The following GPR158 variants were observed in gnomAD, a reference collection of about 807,000 sequenced individuals.
The protein encoded by GPR158 is G protein-coupled receptor 158.
In GPR158, 30 loss-of-function variants were observed where a neutral mutation model predicts 78.2. The ratio of observed to expected loss-of-function variants is 0.38; its 90% CI spans 0.29 to 0.52. The LOEUF (loss-of-function observed/expected upper bound fraction) is 0.52, where lower values mean the gene tolerates loss of function less well. Ranked by LOEUF, GPR158 falls within the 20% of genes least tolerant of loss-of-function variation. GPR158 has a pLI of 0.83. For synonymous variants in GPR158, 581 were observed against 591.1 expected, an observed-to-expected ratio of 0.98 and a Z score of 0.25; for missense variants, 1,463 against 1,523.5, an observed-to-expected ratio of 0.96 and a Z score of 0.66.
At chr10:25,383,600 C>G (rs550744027) in intron 2 of GPR158, among the ~76,000 whole-genome samples, 1 of 152,268 alleles carries the variant, frequency 6.6e-6, no homozygotes, top group South Asian at 2.1e-4. Context: ...GGGAGAGATT[C>G]ATTTGTAAAA....
At chr10:25,435,509 G>A (rs1343061658) in intron 4 of GPR158, among the ~76,000 whole-genome samples, 1 of 152,176 alleles carries the variant, frequency 6.6e-6, no homozygotes, top group Non-Finnish European at 1.5e-5. Flanking sequence ...GTGTGAAGCA[G>A]CTTGAAGTGT....
At chr10:25,346,893 A>G (rs1855379236) in intron 2 of GPR158, among the ~76,000 whole-genome samples, 2 of 152,028 alleles carry the variant, frequency 1.3e-5, no homozygotes, top group African/African-American at 4.8e-5. Flanking sequence ...AAGTGGAGTC[A>G]GATGTATCCA....
chr10:25,449,987 T>C (rs964239972), intron 4 of GPR158, among the ~76,000 whole-genome samples: 25 of 135,336 alleles, frequency 1.8e-4, no homozygotes, highest in African/African-American at 7.1e-4. Context: ...CAAAACAAAA[T>C]TTAATAAAAA....
intron 2 of GPR158, among the ~76,000 whole-genome samples, chr10:25,354,302 C>T (rs1044609059): frequency 1.3e-5 from 2 of 151,252 alleles, no homozygotes; most frequent in Admixed American, 6.6e-5. Context: ...TTGCAGTGAG[C>T]CGAGATTGTG....
At chr10:25,327,334 T>A (rs1430721583) in intron 2 of GPR158, among the ~76,000 whole-genome samples, 1 of 152,078 alleles carries the variant, frequency 6.6e-6, no homozygotes, top group Non-Finnish European at 1.5e-5. Context: ...GACAACCTAA[T>A]TCCATTGACT....
chr10:25,228,551 A>C (rs1301371472), intron 2 of GPR158, among the ~76,000 whole-genome samples: 2 of 152,184 alleles, frequency 1.3e-5, no homozygotes, highest in African/African-American at 4.8e-5. Context: ...CAGGTTCTCC[A>C]GTATGGTTTA....
At chr10:25,357,725 C>G (rs1336743123) in intron 2 of GPR158, among the ~76,000 whole-genome samples, 2 of 151,980 alleles carry the variant, frequency 1.3e-5, no homozygotes, top group African/African-American at 4.8e-5. Context: ...GCTACAGGGG[C>G]GGGGACTTCA....
At chr10:25,562,779 G>A (rs1836875879) in intron 6 of GPR158, among the ~76,000 whole-genome samples, 1 of 152,204 alleles carries the variant, frequency 6.6e-6, no homozygotes, top group Non-Finnish European at 1.5e-5. Flanking sequence ...GTGTTTGTCT[G>A]TAAGGTCTAG....
At chr10:25,420,002 G>A (rs1165136457) in intron 4 of GPR158, among the ~76,000 whole-genome samples, 1 of 151,922 alleles carries the variant, frequency 6.6e-6, no homozygotes. Context: ...TCTTAATCAG[G>A]TTATTTGGTT....
chr10:25,600,474 A>G lies in GPR158; in HGVS notation c.*1200A>G, dbSNP rs1056207818. ...TAGCTCCTGATAGCACTTTCAAGGGATTATTTTTTTAAAGAGAAAAATTAT... is the reference window on the plus strand; with the variant it reads ...TAGCTCCTGATAGCACTTTCAAGGGGTTATTTTTTTAAAGAGAAAAATTAT... On this transcript the variant is annotated 3_prime_UTR_variant, in exon 11 of 11. Transcript: ENST00000376351. The G allele has an allele frequency of 5.9e-5, 9 of 152,234 alleles. No homozygotes were observed. The highest frequency in any genetic ancestry group is 1.7e-4 in the African/African-American group (7 of 41,430). 9.4% of individuals were successfully genotyped at this position (152,234 alleles called of 1,614,324 possible).
At chr10:25,235,144 T>G (rs1853502729) in intron 2 of GPR158, among the ~76,000 whole-genome samples, 1 of 152,176 alleles carries the variant, frequency 6.6e-6, no homozygotes, top group Admixed American at 6.5e-5. Context: ...AGAAATGAAA[T>G]CCTACATCTT....
At chr10:25,373,120 T>C (rs1266024654) in intron 2 of GPR158, among the ~76,000 whole-genome samples, 2 of 151,850 alleles carry the variant, frequency 1.3e-5, no homozygotes, top group Non-Finnish European at 2.9e-5. Flanking sequence ...TGTGCAGCCA[T>C]AAAATAGGAG....
chr10:25,237,046 A>G (rs1230624482), intron 2 of GPR158, among the ~76,000 whole-genome samples: 1 of 152,220 alleles, frequency 6.6e-6, no homozygotes, highest in African/African-American at 2.4e-5. Context: ...TCAATTAATA[A>G]TCCGGAGTGA....
intron 4 of GPR158, among the ~76,000 whole-genome samples, chr10:25,457,389 C>T: frequency 6.6e-6 from 1 of 152,002 alleles, no homozygotes; most frequent in Non-Finnish European, 1.5e-5. Context: ...TACAATAACC[C>T]CTCAAGACAA....
At chr10:25,388,254 C>T (rs1422647110) in intron 2 of GPR158, among the ~76,000 whole-genome samples, 2 of 152,214 alleles carry the variant, frequency 1.3e-5, no homozygotes, top group African/African-American at 4.8e-5. Context: ...TGTCATTATG[C>T]CAGCTGCATT....
chr10:25,405,969 A>C (rs562253904), intron 3 of GPR158, among the ~76,000 whole-genome samples: 1 of 152,140 alleles, frequency 6.6e-6, no homozygotes, highest in Admixed American at 6.5e-5. Flanking sequence ...GCACCATTCA[A>C]ATTCTATTCT....
At chr10:25,563,849 TTATC>T (rs1246877279) in intron 6 of GPR158, among the ~76,000 whole-genome samples, 17 of 152,310 alleles carry the variant, frequency 1.1e-4, no homozygotes, top group African/African-American at 2.9e-4. Context: ...TTAATAAACT[TTATC>T]TAATAAGGTT....
chr10:25,477,115 A>G (rs1835597992), intron 5 of GPR158, among the ~76,000 whole-genome samples: 1 of 152,050 alleles, frequency 6.6e-6, no homozygotes, highest in South Asian at 2.1e-4. Context: ...ACTTTTTTTT[A>G]ACTCCATTTT....
rs117790266 is a variant in GPR158, at chr10:25,557,572, C to T, written c.1514+6487C>T. ...TGACTTCTGATCCTACTGTCCTGTC[C>T]GGCATGCAGAGGCCCCCAGCTAAAT... On this transcript the variant is annotated intron_variant, in intron 6 of 10. Transcript: ENST00000376351. Among the ~76,000 whole-genome samples the T allele has an allele frequency of 3.3e-5, 5 of 152,340 alleles. No individual in the cohort carries two copies. In the East Asian group the frequency reaches 5.8e-4, roughly 18 times the overall value.
Sources: gnomAD v4.1 joint callset for allele counts (sites outside exome capture counted in the v4.1 genomes callset) on GRCh38, gnomAD v4.1.1 for gene constraint, MANE v1.5 for transcripts, NCBI Gene and HGNC (gene_info 2026-07-23, HGNC 2026-07-21) for gene names.